GPHN: variants seen among roughly 807,000 people sequenced by gnomAD.
The protein encoded by GPHN is gephyrin.
Under a neutral mutation model 95.5 loss-of-function variants are expected in GPHN, and 17 were observed. The observed-to-expected ratio is 0.18, with a 90% CI of 0.12 to 0.27. The LOEUF (loss-of-function observed/expected upper bound fraction) is 0.27. Ranked by LOEUF, GPHN falls within the 10% of genes least tolerant of loss-of-function variation. GPHN has a pLI of 1.00. For synonymous variants in GPHN, 320 were observed against 322.5 expected (o/e 0.99, Z 0.08); for missense variants, 660 against 978.1 (o/e 0.67, Z 4.34).
At chr14:67,235,181 T>C in the GPHN span, among the ~76,000 whole-genome samples, 1 of 150,608 alleles carries the variant, frequency 6.6e-6, no homozygotes, top group African/African-American at 2.4e-5. Context: ...TCAGGCCAGA[T>C]ACCATCCAGA....
At chr14:66,516,527 A>G (rs2058254340) in intron 1 of GPHN, among the ~76,000 whole-genome samples, 3 of 152,182 alleles carry the variant, frequency 2.0e-5, no homozygotes, top group Admixed American at 2.0e-4. Context: ...GAGGGTCTAA[A>G]GGCACATATT....
chr14:66,532,073 G>A (rs1413383012), intron 1 of GPHN, among the ~76,000 whole-genome samples: 1 of 152,226 alleles, frequency 6.6e-6, no homozygotes, highest in Non-Finnish European at 1.5e-5. Flanking sequence ...TCCTACTCAA[G>A]ACGTAGCCTG....
chr14:67,547,133 G>T, the GPHN span, among the ~76,000 whole-genome samples: 3 of 152,262 alleles, frequency 2.0e-5, no homozygotes, highest in East Asian at 5.8e-4. Context: ...AATGTTAGGG[G>T]TGCATAGTGT....
At chr14:66,683,726 C>A (rs1352679772) in intron 2 of GPHN, among the ~76,000 whole-genome samples, 1 of 151,046 alleles carries the variant, frequency 6.6e-6, no homozygotes, top group African/African-American at 2.4e-5. Context: ...GCCTGTAATC[C>A]CAGCACTTTG....
At chr14:66,869,097 T>G (rs998101428) in intron 4 of GPHN, among the ~76,000 whole-genome samples, 2 of 152,162 alleles carry the variant, frequency 1.3e-5, no homozygotes, top group African/African-American at 4.8e-5. Flanking sequence ...TTTCAAGGAA[T>G]AAAAGAATCT....
chr14:67,593,962 G>C, the GPHN span: 1 of 1,590,084 alleles, frequency 6.3e-7, no homozygotes, highest in African/African-American at 1.3e-5. Context: ...TCTGAAGAGA[G>C]AGCCAGACAC....
chr14:67,554,603 G>A, the GPHN span, among the ~76,000 whole-genome samples: 3 of 152,192 alleles, frequency 2.0e-5, no homozygotes, highest in Admixed American at 6.5e-5. Context: ...CTGCTTCTGC[G>A]GGTCCTCCAT....
intron 1 of GPHN, among the ~76,000 whole-genome samples, chr14:66,542,098 C>T (rs2059373472): frequency 6.6e-6 from 1 of 152,162 alleles, no homozygotes; most frequent in Non-Finnish European, 1.5e-5. Flanking sequence ...TCTTGTCTCA[C>T]TCTCACTTAA....
At chr14:66,545,433 G>A (rs1441531283) in intron 1 of GPHN, among the ~76,000 whole-genome samples, 5 of 138,372 alleles carry the variant, frequency 3.6e-5, no homozygotes, top group Non-Finnish European at 1.6e-5. Context: ...GGGCAGAGGG[G>A]CTCCTCACTT....
the GPHN span, chr14:67,621,076 C>A: frequency 1.0e-6 from 1 of 985,512 alleles, no homozygotes; most frequent in African/African-American, 1.6e-5. Flanking sequence ...AACAGTCTGC[C>A]ACATCCCGCA....
chr14:67,489,785 T>C, the GPHN span, among the ~76,000 whole-genome samples: 1 of 152,118 alleles, frequency 6.6e-6, no homozygotes, highest in Non-Finnish European at 1.5e-5. Context: ...GGTCAGGAGA[T>C]CGAGACCATC....
chr14:66,924,180 G>A lies in GPHN; in HGVS notation c.730-14G>A. On this transcript the variant is annotated splice_polypyrimidine_tract_variant and intron_variant, in intron 7 of 22. Transcript: ENST00000478722. ...CTGTCACTATATTCATAGTTGTTATGTGTTGTGCATTAGAAGCATCCATTC... is the reference window on the plus strand; with the variant it reads ...CTGTCACTATATTCATAGTTGTTATATGTTGTGCATTAGAAGCATCCATTC... The A allele has an allele frequency of 2.9e-6, 4 of 1,402,524 alleles. No individual in the cohort carries two copies. Among genetic ancestry groups the A allele is most frequent in the Non-Finnish European group, 4.1e-6 (4 of 987,194 alleles). The allele number at this position is 1,402,524 out of a possible 1,614,324, so 86.9% of individuals were successfully genotyped here. A position where few individuals can be genotyped will look rare whatever the true frequency, so the allele number is the denominator to read the frequency against.
intron 2 of GPHN, among the ~76,000 whole-genome samples, chr14:66,765,734 A>G (rs1416369564): frequency 6.6e-6 from 1 of 152,136 alleles, no homozygotes; most frequent in Non-Finnish European, 1.5e-5. Context: ...CTATATGACA[A>G]ACCTGCACAT....
At chr14:66,592,799 G>A (rs880001285) in intron 1 of GPHN, among the ~76,000 whole-genome samples, 1 of 152,184 alleles carries the variant, frequency 6.6e-6, no homozygotes, top group Admixed American at 6.5e-5. Context: ...CCATTACTGG[G>A]TATATACCCA....
the GPHN span, among the ~76,000 whole-genome samples, chr14:67,253,325 G>C: frequency 6.6e-6 from 1 of 152,138 alleles, no homozygotes; most frequent in African/African-American, 2.4e-5. Flanking sequence ...TATAGTCTGA[G>C]GTAATGATGA....
the GPHN span, among the ~76,000 whole-genome samples, chr14:67,654,094 T>A: frequency 6.6e-6 from 1 of 152,170 alleles, no homozygotes; most frequent in African/African-American, 2.4e-5. Flanking sequence ...TAAGCTGACC[T>A]CTCAGCTCGT....
chr14:66,857,996 C>A (rs1038371799), intron 4 of GPHN, among the ~76,000 whole-genome samples: 4 of 152,178 alleles, frequency 2.6e-5, no homozygotes, highest in African/African-American at 9.7e-5. Flanking sequence ...AGAGGGGAAC[C>A]ACTAATCCCT....
chr14:66,845,393 A>G (rs2062275363), intron 4 of GPHN, among the ~76,000 whole-genome samples: 2 of 152,220 alleles, frequency 1.3e-5, no homozygotes, highest in South Asian at 4.1e-4. Context: ...AGGCCAAATG[A>G]TAAAATTTAG....
At chr14:67,537,346 A>AAATAAC in the GPHN span, among the ~76,000 whole-genome samples, 1 of 126,602 alleles carries the variant, frequency 7.9e-6, no homozygotes, top group Non-Finnish European at 1.6e-5. Flanking sequence ...TCCATCTCAA[A>AAATAAC]AATAATAATA....
Sources: allele counts gnomAD v4.1 joint callset (sites outside exome capture counted in the v4.1 genomes callset), GRCh38; gene constraint gnomAD v4.1.1; transcripts MANE v1.5; gene names NCBI Gene and HGNC (gene_info 2026-07-23, HGNC 2026-07-21).